MAGI3: variants seen among roughly 807,000 people sequenced by gnomAD.
MAGI3 encodes membrane associated guanylate kinase, WW and PDZ domain containing 3.
MAGI3 carries 43 observed loss-of-function variants against 121.8 expected under a neutral mutation model. The observed-to-expected ratio is 0.35, with a 90% CI of 0.28 to 0.46. MAGI3 has a LOEUF of 0.46. Among genes scored for constraint, MAGI3 ranks in the 20% least tolerant of loss-of-function variants. The pLI is 1.00. For missense variants in MAGI3, 1,547 were observed against 1,797.3 expected (o/e 0.86, Z 2.52); for synonymous variants, 553 against 639.3 (o/e 0.86, Z 2.04).
intron 1 of MAGI3, chr1:113,403,936 A>G (rs1651541120): frequency 6.6e-6 from 1 of 151,502 alleles, no homozygotes. Context: ...ATCTTCTTAA[A>G]CATAGTATAT....
chr1:113,654,290 T>C lies in MAGI3; in HGVS notation c.2629+272T>C, dbSNP rs145596048. The stretch of plus-strand genomic sequence containing the variant: ...AGGTTATACTGAAGACAGTATGTCA[T>C]AGATATGGATTTAATGAAAGGTATA... On this transcript the variant is annotated intron_variant, in intron 15 of 20. Coordinates refer to ENST00000307546, the MANE Select transcript of MAGI3 (RefSeq NM_001142782.2). 1.6e-4 allele frequency among the ~76,000 whole-genome samples: 25 copies of C among 152,312 alleles called. 1 individual carries two copies. Among genetic ancestry groups the C allele is most frequent in the African/African-American group, 5.8e-4 (24 of 41,570 alleles).
intron 1 of MAGI3, among the ~76,000 whole-genome samples, chr1:113,465,430 G>A (rs1164572846): frequency 1.3e-5 from 2 of 152,118 alleles, no homozygotes; most frequent in Non-Finnish European, 2.9e-5. Flanking sequence ...TTGAAGTCAT[G>A]TAGTGTGACC....
chr1:113,512,980 T>C (rs1350370488), intron 1 of MAGI3, among the ~76,000 whole-genome samples: 7 of 152,010 alleles, frequency 4.6e-5, no homozygotes, highest in South Asian at 2.1e-4. Context: ...TATACACCAA[T>C]AACAGAGAAA....
At chr1:113,564,943 A>G (rs921871438) in intron 2 of MAGI3, among the ~76,000 whole-genome samples, 6 of 151,926 alleles carry the variant, frequency 3.9e-5, no homozygotes, top group African/African-American at 1.2e-4. Context: ...TCCACCTCCC[A>G]GGTTCAAGTG....
chr1:113,482,846 C>T (rs1656178735), intron 1 of MAGI3, among the ~76,000 whole-genome samples: 1 of 151,606 alleles, frequency 6.6e-6, no homozygotes, highest in Non-Finnish European at 1.5e-5. Flanking sequence ...CTCTCTGTTG[C>T]CCAGGTTGGA....
chr1:113,491,786 C>T (rs1178243769), intron 1 of MAGI3, among the ~76,000 whole-genome samples: 1 of 152,014 alleles, frequency 6.6e-6, no homozygotes, highest in East Asian at 1.9e-4. Flanking sequence ...GGATAATTTC[C>T]TGGACCCATA....
intron 16 of MAGI3, among the ~76,000 whole-genome samples, chr1:113,664,391 A>G (rs1653930522): frequency 6.6e-6 from 1 of 152,190 alleles, no homozygotes; most frequent in South Asian, 2.1e-4. Context: ...ACACTACAGT[A>G]TTACAAACAA....
chr1:113,682,401 C>A, intron 20 of MAGI3: 1 of 1,432,106 alleles, frequency 7.0e-7, no homozygotes. Flanking sequence ...CTGCACTTTT[C>A]AGTCTTCTTT....
intron 1 of MAGI3, among the ~76,000 whole-genome samples, chr1:113,547,027 G>A (rs146107669): frequency 0.025 from 3,762 of 150,004 alleles, 86 homozygotes; most frequent in Admixed American, 0.089. Context: ...AGGTTGCAGT[G>A]AGCCAAGATT....
At chr1:113,445,973 A>G (rs972321005) in intron 1 of MAGI3, among the ~76,000 whole-genome samples, 11 of 152,206 alleles carry the variant, frequency 7.2e-5, no homozygotes, top group Admixed American at 6.5e-4. Flanking sequence ...GATCTCAATA[A>G]AGGTATATAC....
chr1:113,560,096 C>G (rs1660161156), intron 2 of MAGI3, among the ~76,000 whole-genome samples: 1 of 152,084 alleles, frequency 6.6e-6, no homozygotes, highest in Non-Finnish European at 1.5e-5. Context: ...CTGCATGGCA[C>G]TTAGTCTAAA....
intron 10 of MAGI3, 103 bp downstream of exon 10, chr1:113,642,619 C>T: frequency 1.6e-6 from 2 of 1,266,574 alleles, no homozygotes; most frequent in Admixed American, 2.3e-5. Context: ...GCAGACTTAA[C>T]TAGTAATTAG....
At chr1:113,557,314 C>T (rs191185076) in intron 2 of MAGI3, among the ~76,000 whole-genome samples, 2 of 152,094 alleles carry the variant, frequency 1.3e-5, no homozygotes, top group Admixed American at 6.5e-5. Flanking sequence ...GGATGGAGTG[C>T]CCCAGGGAGG....
intron 1 of MAGI3, among the ~76,000 whole-genome samples, chr1:113,433,882 C>T (rs1401164615): frequency 6.6e-6 from 1 of 152,104 alleles, no homozygotes; most frequent in Non-Finnish European, 1.5e-5. Flanking sequence ...TTTAATCACA[C>T]AGATGTTGAG....
intron 1 of MAGI3, among the ~76,000 whole-genome samples, chr1:113,488,574 C>G (rs757097247): frequency 2.7e-5 from 4 of 150,124 alleles, no homozygotes; most frequent in Non-Finnish European, 6.0e-5. Context: ...AGCCTGCATA[C>G]TCCCTCCCTA....
At chr1:113,533,882 A>G (rs1251133224) in intron 1 of MAGI3, among the ~76,000 whole-genome samples, 5 of 151,326 alleles carry the variant, frequency 3.3e-5, no homozygotes, top group African/African-American at 1.2e-4. Context: ...TTCTTGGGAC[A>G]CGGTGAATAT....
intron 1 of MAGI3, among the ~76,000 whole-genome samples, chr1:113,511,494 C>A (rs1004352173): frequency 6.6e-6 from 1 of 152,312 alleles, no homozygotes. Flanking sequence ...GCCACTCATA[C>A]CTGGTGTGGT....
chr1:113,450,233 C>T, intron 1 of MAGI3: 1 of 1,597,618 alleles, frequency 6.3e-7, no homozygotes, highest in Non-Finnish European at 8.6e-7. Context: ...GTGAAAAAGG[C>T]CCTTTCTAAA....
At chr1:113,585,741 C>G in intron 4 of MAGI3, 145 bp downstream of exon 4, 1 of 683,156 alleles carries the variant, frequency 1.5e-6, no homozygotes, top group Non-Finnish European at 2.5e-6. Context: ...GTATGTGGAG[C>G]AAAGTGTATT....
Sources: allele counts gnomAD v4.1 joint callset (sites outside exome capture counted in the v4.1 genomes callset), GRCh38; gene constraint gnomAD v4.1.1; transcripts MANE v1.5; gene names NCBI Gene and HGNC (gene_info 2026-07-23, HGNC 2026-07-21).